PCDHA5: variants seen among roughly 807,000 people sequenced by gnomAD.
PCDHA5 encodes the protein protocadherin alpha 5.
A neutral mutation model predicts 61.6 loss-of-function variants in PCDHA5; 43 were observed. That is an observed-to-expected ratio of 0.70 (90% CI 0.55 to 0.90). The LOEUF is 0.90. Among genes scored for constraint, PCDHA5 ranks in the 40% least tolerant of loss-of-function variants. The pLI, the probability that PCDHA5 is intolerant of heterozygous loss-of-function variation, is 0.00. For missense variants in PCDHA5, 1,298 were observed against 1,222.7 expected, an observed-to-expected ratio of 1.06 and a Z score of -0.92; for synonymous variants, 627 against 543.9, an observed-to-expected ratio of 1.15 and a Z score of -2.13.
intron 3 of PCDHA5, among the ~76,000 whole-genome samples, chr5:140,995,873 C>T (rs1554254864): frequency 6.6e-6 from 1 of 152,126 alleles, no homozygotes; most frequent in Non-Finnish European, 1.5e-5. Flanking sequence ...AATTGTGCAA[C>T]CTGTGCTTCA....
At position 140,879,431 on chromosome 5, in the gene PCDHA5, T is replaced by G. The variant is rs78313657; in HGVS notation, c.2352+55304T>G. 2.0e-5 allele frequency among the ~76,000 whole-genome samples: 3 copies of G among 152,202 alleles called. No homozygotes were observed. In the East Asian group the frequency reaches 5.8e-4, roughly 29 times the overall value. The stretch of plus-strand genomic sequence containing the variant: ...AGCAGGTAGGGAATGGAGATGAACA[T>G]TTAAGAAAATGTTACTTTGAAGTCC... On this transcript the variant is annotated intron_variant, in intron 1 of 3. Transcript: ENST00000529859.
intron 2 of PCDHA5, among the ~76,000 whole-genome samples, chr5:140,979,726 G>A (rs2096861839): frequency 1.3e-5 from 2 of 152,072 alleles, no homozygotes; most frequent in African/African-American, 4.8e-5. Context: ...CATGCCATGG[G>A]GCCAAATAAA....
At chr5:140,843,457 G>C (rs2150360487) in intron 1 of PCDHA5, 4 of 1,596,058 alleles carry the variant, frequency 2.5e-6, no homozygotes, top group Admixed American at 1.7e-5. Flanking sequence ...GCCTGCTGGT[G>C]CTCACGCTGC....
intron 1 of PCDHA5, chr5:140,883,878 C>T: frequency 1.9e-6 from 3 of 1,613,260 alleles, no homozygotes; most frequent in Middle Eastern, 1.7e-4. Context: ...CAGGTGAGCG[C>T]GCGCGACTCT....
chr5:140,939,560 T>C (rs2153641939), intron 1 of PCDHA5, among the ~76,000 whole-genome samples: 1 of 151,934 alleles, frequency 6.6e-6, no homozygotes, highest in African/African-American at 2.4e-5. Flanking sequence ...TGTATTAGTT[T>C]GGTTAATCAA....
chr5:140,923,461 A>G (rs530510417), intron 1 of PCDHA5, among the ~76,000 whole-genome samples: 97 of 152,204 alleles, frequency 6.4e-4, no homozygotes, highest in African/African-American at 2.2e-3. Context: ...CCAGAGAGGT[A>G]GGGGCTGCAG....
At chr5:140,922,837 C>T (rs1280492516) in intron 1 of PCDHA5, among the ~76,000 whole-genome samples, 2 of 152,134 alleles carry the variant, frequency 1.3e-5, no homozygotes, top group Non-Finnish European at 2.9e-5. Flanking sequence ...AATAGATGTC[C>T]TCAAAGAGAC....
intron 1 of PCDHA5, among the ~76,000 whole-genome samples, chr5:140,953,962 T>C (rs2153701012): frequency 6.6e-6 from 1 of 152,196 alleles, no homozygotes; most frequent in Admixed American, 6.5e-5. Flanking sequence ...CAGGCCCCAG[T>C]GTGTGTTGTT....
rs371069140 is a variant in PCDHA5, at chr5:141,011,291, A to G, written c.*1354A>G. ...CTCTTTGGTTTAGTTTTCCTTTTCT[A>G]TAACACTCTGAATTGCTAATCTTAC... is the stretch of plus-strand genomic sequence containing the variant. On this transcript the variant is annotated 3_prime_UTR_variant, in exon 4 of 4. Coordinates refer to ENST00000529859, the MANE Select transcript of PCDHA5 (RefSeq NM_018908.3). 6 of 153,852 alleles carry G rather than the reference A, an allele frequency of 3.9e-5. No homozygotes were observed. The highest frequency in any genetic ancestry group is 8.8e-5 in the Non-Finnish European group (6 of 68,024). 9.5% of individuals were successfully genotyped at this position (153,852 alleles called of 1,614,324 possible).
At chr5:140,903,313 C>G (rs974760383) in intron 1 of PCDHA5, among the ~76,000 whole-genome samples, 2 of 152,088 alleles carry the variant, frequency 1.3e-5, no homozygotes, top group South Asian at 4.1e-4. Context: ...ACAATAAAGA[C>G]AGCATTTTTA....
intron 1 of PCDHA5, among the ~76,000 whole-genome samples, chr5:140,898,214 T>C (rs1285649893): frequency 1.3e-5 from 2 of 152,238 alleles, no homozygotes; most frequent in African/African-American, 4.8e-5. Flanking sequence ...TTTGTCAATT[T>C]TGGCTTTTGT....
chr5:140,936,303 T>C (rs1223461427), intron 1 of PCDHA5, among the ~76,000 whole-genome samples: 3 of 152,236 alleles, frequency 2.0e-5, no homozygotes, highest in South Asian at 2.1e-4. Flanking sequence ...TGCTATCCAA[T>C]AGAACTTTCT....
At chr5:140,844,618 A>G (rs1230516172) in intron 1 of PCDHA5, among the ~76,000 whole-genome samples, 4 of 149,532 alleles carry the variant, frequency 2.7e-5, no homozygotes, top group African/African-American at 9.8e-5. Context: ...AAATGTTTTC[A>G]TCAGAAAAAC....
intron 1 of PCDHA5, chr5:140,877,449 G>A: frequency 1.2e-6 from 2 of 1,613,848 alleles, no homozygotes; most frequent in Non-Finnish European, 1.7e-6. Flanking sequence ...AGCCCGCGCT[G>A]ACGTCCACGG....
intron 3 of PCDHA5, among the ~76,000 whole-genome samples, chr5:141,007,850 C>A (rs1299909821): frequency 6.6e-6 from 1 of 152,156 alleles, no homozygotes; most frequent in Non-Finnish European, 1.5e-5. Context: ...GACTCAAAGT[C>A]CTTAAAGGTC....
At chr5:140,875,648 T>C in intron 1 of PCDHA5, 1 of 1,613,728 alleles carries the variant, frequency 6.2e-7, no homozygotes, top group Non-Finnish European at 8.5e-7. Flanking sequence ...CTGGCGGAGC[T>C]GGTGCCGCGC....
chr5:140,986,461 C>T (rs1554248079), intron 3 of PCDHA5, among the ~76,000 whole-genome samples: 1 of 152,154 alleles, frequency 6.6e-6, no homozygotes. Context: ...TTAATGAATG[C>T]CCTCTTGTGA....
chr5:140,883,973 G>A (rs782157297), intron 1 of PCDHA5: 45 of 1,612,722 alleles, frequency 2.8e-5, no homozygotes, highest in Non-Finnish European at 3.5e-5. Flanking sequence ...GCTGACGCCC[G>A]GGGCTGGCAG....
chr5:140,981,144 A>G (rs1245688386), intron 2 of PCDHA5, among the ~76,000 whole-genome samples: 1 of 152,238 alleles, frequency 6.6e-6, no homozygotes, highest in African/African-American at 2.4e-5. Flanking sequence ...GAGTGAGAAA[A>G]CATTGAACTT....
Sources: gnomAD v4.1 joint callset for allele counts (sites outside exome capture counted in the v4.1 genomes callset) on GRCh38, gnomAD v4.1.1 for gene constraint, MANE v1.5 for transcripts, NCBI Gene and HGNC (gene_info 2026-07-23, HGNC 2026-07-21) for gene names.